PCDHA12: variants seen among roughly 807,000 people sequenced by gnomAD.
PCDHA12 encodes the protein protocadherin alpha-12.
PCDHA12 carries 44 observed loss-of-function variants against 60.0 expected under a neutral mutation model. The ratio of observed to expected loss-of-function variants is 0.73; its 90% CI spans 0.58 to 0.94. The LOEUF is 0.94. Ranked by LOEUF, PCDHA12 falls within the 40% of genes least tolerant of loss-of-function variation. The pLI is 0.00. For missense variants in PCDHA12, 1,276 were observed against 1,239.7 expected, an observed-to-expected ratio of 1.03 and a Z score of -0.44; for synonymous variants, 569 against 553.0, an observed-to-expected ratio of 1.03 and a Z score of -0.40.
At chr5:140,915,368 T>G (rs1281630689) in intron 1 of PCDHA12, among the ~76,000 whole-genome samples, 1 of 152,216 alleles carries the variant, frequency 6.6e-6, no homozygotes, top group Non-Finnish European at 1.5e-5. Flanking sequence ...TACCAGTAAG[T>G]GTCTCGGCAT....
At chr5:140,967,268 C>T in intron 1 of PCDHA12, 1 of 1,613,522 alleles carries the variant, frequency 6.2e-7, no homozygotes, top group Non-Finnish European at 8.5e-7. Context: ...AGCGCGCTTT[C>T]ACATAGAGAG....
At chr5:140,987,565 T>C (rs1407426548) in intron 3 of PCDHA12, among the ~76,000 whole-genome samples, 1 of 152,344 alleles carries the variant, frequency 6.6e-6, no homozygotes, top group East Asian at 1.9e-4. Flanking sequence ...TCTCAGTTTC[T>C]TTCTCTATAA....
chr5:140,901,234 T>C (rs1013983503), intron 1 of PCDHA12, among the ~76,000 whole-genome samples: 1 of 152,156 alleles, frequency 6.6e-6, no homozygotes, highest in Non-Finnish European at 1.5e-5. Flanking sequence ...ATATATCCAT[T>C]TTTTTCCTTT....
intron 3 of PCDHA12, among the ~76,000 whole-genome samples, chr5:140,985,631 T>C (rs551279134): frequency 1.2e-4 from 18 of 152,250 alleles, no homozygotes; most frequent in Admixed American, 1.2e-3. Flanking sequence ...GTATTGCTCT[T>C]CTCATCCCAA....
chr5:140,955,297 T>C (rs2153705828), intron 1 of PCDHA12, among the ~76,000 whole-genome samples: 1 of 152,262 alleles, frequency 6.6e-6, no homozygotes, highest in East Asian at 1.9e-4. Context: ...TTTGGCTGTG[T>C]CCCCACCCAA....
intron 3 of PCDHA12, among the ~76,000 whole-genome samples, chr5:141,007,295 A>G (rs181235064): frequency 1.6e-3 from 250 of 151,912 alleles, no homozygotes; most frequent in Non-Finnish European, 2.9e-3. Context: ...TCATGCCTGT[A>G]ATCTTAGCAT....
At chr5:140,881,988 C>A in intron 1 of PCDHA12, 1 of 434,968 alleles carries the variant, frequency 2.3e-6, no homozygotes, top group Non-Finnish European at 4.0e-6. Flanking sequence ...GTGAAAATGT[C>A]AGGAAATGCA....
intron 1 of PCDHA12, among the ~76,000 whole-genome samples, chr5:140,950,042 T>C (rs2153688283): frequency 6.6e-6 from 1 of 152,082 alleles, no homozygotes; most frequent in South Asian, 2.1e-4. Flanking sequence ...GTTACAACCA[T>C]ATAAGACTAT....
At chr5:140,886,405 GT>G (rs2060969795) in intron 1 of PCDHA12, among the ~76,000 whole-genome samples, 1 of 151,966 alleles carries the variant, frequency 6.6e-6, no homozygotes, top group Admixed American at 6.6e-5. Context: ...TCACAAATAT[GT>G]TTTCCTCCTA....
At chr5:140,883,521 T>C in intron 1 of PCDHA12, 2 of 1,614,202 alleles carry the variant, frequency 1.2e-6, no homozygotes, top group Non-Finnish European at 1.7e-6. Flanking sequence ...CGCGAGAGCG[T>C]ATCAGCCTAT....
chr5:141,005,164 G>A (rs782398186), intron 3 of PCDHA12, among the ~76,000 whole-genome samples: 2 of 152,178 alleles, frequency 1.3e-5, no homozygotes, highest in Non-Finnish European at 2.9e-5. Context: ...TAAAGAGTGG[G>A]TACCACTTTC....
chr5:140,876,554 A>C lies in PCDHA12; in HGVS notation c.1082A>C (p.Glu361Ala), dbSNP rs2056417075. ...MVTSLSLPVQ[E>A]DAQVGTVIAL... ...ACTTCACTGTCGCTCCCTGTGCAAG[A>C]GGATGCTCAGGTGGGTACCGTCATT... is the stretch of plus-strand genomic sequence containing the variant. Residue 361 changes from glutamate (E) to alanine (A), a missense_variant, in exon 1 of 4, where the codon GAG becomes GCG. Transcript: ENST00000398631. 2 of 1,614,052 alleles carry C rather than the reference A, an allele frequency of 1.2e-6. No homozygotes were observed. Among genetic ancestry groups the C allele is most frequent in the African/African-American group, 2.7e-5 (2 of 74,928 alleles).
intron 1 of PCDHA12, among the ~76,000 whole-genome samples, chr5:140,936,673 A>G (rs77819967): frequency 0.018 from 2,748 of 152,254 alleles, 64 homozygotes; most frequent in South Asian, 0.1. Context: ...TGGACTGTCT[A>G]TTCTGTTTCA....
intron 1 of PCDHA12, among the ~76,000 whole-genome samples, chr5:140,904,463 AT>A (rs2071154368): frequency 6.6e-6 from 1 of 151,520 alleles, no homozygotes; most frequent in Non-Finnish European, 1.5e-5. Flanking sequence ...ACACTTGTTG[AT>A]TGGTGGCTAT....
intron 1 of PCDHA12, among the ~76,000 whole-genome samples, chr5:140,964,144 C>A (rs970079716): frequency 6.6e-6 from 1 of 152,138 alleles, no homozygotes; most frequent in African/African-American, 2.4e-5. Context: ...TTGGCAGGAG[C>A]CTCAGTATAA....
chr5:140,967,181 T>C (rs782433025), intron 1 of PCDHA12: 4 of 1,613,136 alleles, frequency 2.5e-6, no homozygotes, highest in East Asian at 2.2e-5. Context: ...GGTGGAAATA[T>C]TGGACATCAA....
chr5:140,971,091 T>G (rs1355075556), intron 1 of PCDHA12, among the ~76,000 whole-genome samples: 1 of 152,180 alleles, frequency 6.6e-6, no homozygotes, highest in Non-Finnish European at 1.5e-5. Flanking sequence ...AACAAATTCT[T>G]GTGAAGCCCT....
At chr5:141,004,935 A>AATTTCTT (rs2098189293) in intron 3 of PCDHA12, among the ~76,000 whole-genome samples, 1 of 152,112 alleles carries the variant, frequency 6.6e-6, no homozygotes, top group African/African-American at 2.4e-5. Context: ...GAGAGAAGAA[A>AATTTCTT]ATTTCTTACC....
intron 1 of PCDHA12, among the ~76,000 whole-genome samples, chr5:140,959,969 C>T (rs1203367528): frequency 6.6e-6 from 1 of 152,104 alleles, no homozygotes; most frequent in African/African-American, 2.4e-5. Context: ...GTAGATGTTA[C>T]TGAAAGAAGA....
Sources: allele counts gnomAD v4.1 joint callset (sites outside exome capture counted in the v4.1 genomes callset), GRCh38; gene constraint gnomAD v4.1.1; transcripts MANE v1.5; gene names NCBI Gene and HGNC (gene_info 2026-07-23, HGNC 2026-07-21).